FAM217B: variants seen among roughly 807,000 people sequenced by gnomAD.
FAM217B encodes the protein protein FAM217B.
For synonymous variants in FAM217B, 163 were observed against 173.0 expected, an observed-to-expected ratio of 0.94 and a Z score of 0.45; for missense variants, 463 against 456.9, an observed-to-expected ratio of 1.01 and a Z score of -0.12.
In FAM217B at chr20:59,944,028, G is replaced by T. The variant is rs200508394; in HGVS notation, c.85G>T (p.Ala29Ser). The T allele has an allele frequency of 1.2e-6, 2 of 1,614,026 alleles. No homozygotes were observed. The highest frequency in any genetic ancestry group is 8.5e-7 in the Non-Finnish European group (1 of 1,180,006). The change falls in exon 4 of 4, where the codon GCT becomes TCT. Residue 29 changes from alanine to serine, a missense_variant. Coordinates refer to ENST00000360816, the MANE Select transcript of FAM217B (RefSeq NM_022106.3). ...GCAGAGTAAATCCCAAGTACCCCAC[G>T]CTTCTTCCCAGCCGAGAAGCAGCCT... ...KRQSKSQVPH[A>S]SSQPRSSLTA...
At chr20:59,939,810 C>CA, upstream of FAM217B, 1 of 1,234,176 alleles carries the variant, frequency 8.1e-7, no homozygotes, top group Non-Finnish European at 1.0e-6. Context: ...AGGGGGCCTA[C>CA]AGGCCCGCGG....
upstream of FAM217B, among the ~76,000 whole-genome samples, chr20:59,935,879 T>G (rs1174254195): frequency 6.6e-6 from 1 of 152,260 alleles, no homozygotes; most frequent in Non-Finnish European, 1.5e-5. Flanking sequence ...GAGAGAGCAT[T>G]GACTTTGAAA....
rs2060907110 is a variant in FAM217B, at chr20:59,941,811, A to G, written c.-202-387A>G. Among the ~76,000 whole-genome samples, 3 of 152,210 alleles carry G rather than the reference A, an allele frequency of 2.0e-5. No individual in the cohort carries two copies. The South Asian group carries it at 6.2e-4, about 32-fold the overall frequency. On this transcript the variant is annotated intron_variant, in intron 1 of 3. Coordinates refer to ENST00000360816, the MANE Select transcript of FAM217B (RefSeq NM_022106.3). ...TTGTTGCATGAATGAATGATTGGGCAATGCAATGATTGAACGCTGTAATAA... is the reference window on the plus strand; with the variant it reads ...TTGTTGCATGAATGAATGATTGGGCGATGCAATGATTGAACGCTGTAATAA...
At position 59,944,176 on chromosome 20, in the gene FAM217B, A is replaced by G. The variant is rs1244065387; in HGVS notation, c.233A>G (p.Asp78Gly). 6.2e-7 allele frequency: 1 copy of G among 1,614,012 alleles called. No individual in the cohort carries two copies. The highest frequency in any genetic ancestry group is 8.5e-7 in the Non-Finnish European group (1 of 1,180,032). The change falls in exon 4 of 4, where the codon GAT becomes GGT. Residue 78 changes from aspartate to glycine, a missense_variant. Asp to Gly is a moderately conservative substitution (Grantham distance 94). Coordinates refer to ENST00000360816, the MANE Select transcript of FAM217B (RefSeq NM_022106.3). ...QGASGNKLFL[D>G]FQSMKIIKEN... is the part of the protein sequence containing the mutation. ...GCCTCAGGGAATAAACTGTTTCTTG[A>G]TTTTCAGTCAATGAAAATTATTAAA...
upstream of FAM217B, chr20:59,938,285 T>C (rs1426976682): frequency 1.3e-5 from 2 of 152,260 alleles, no homozygotes; most frequent in African/African-American, 4.8e-5. Context: ...GAGAAATAAC[T>C]GTTTTGCTAG....
At chr20:59,935,086 C>T (rs530966039) in intron 1 of FAM217B, among the ~76,000 whole-genome samples, 352 of 152,228 alleles carry the variant, frequency 2.3e-3, no homozygotes, top group Admixed American at 3.7e-3. Context: ...TTGAATTATA[C>T]GTTTAAGTAC....
chr20:59,937,739 C>T (rs1441922323), upstream of FAM217B: 1 of 152,300 alleles, frequency 6.6e-6, no homozygotes, highest in Non-Finnish European at 1.5e-5. Context: ...AAGAACTCCT[C>T]AGCCTGGAGT....
At chr20:59,934,660 G>T (rs548913881) in intron 1 of FAM217B, among the ~76,000 whole-genome samples, 4 of 152,134 alleles carry the variant, frequency 2.6e-5, no homozygotes, top group African/African-American at 9.7e-5. Context: ...TTTAAAAGTT[G>T]AATTGTATGT....
chr20:59,945,159 C>A lies in FAM217B; in HGVS notation c.*64C>A. The A allele has an allele frequency of 1.5e-6, 2 of 1,325,810 alleles. No individual in the cohort carries two copies. Among genetic ancestry groups the A allele is most frequent in the Non-Finnish European group, 2.0e-6 (2 of 987,018 alleles). The allele number at this position is 1,325,810 out of a possible 1,614,324, so 82.1% of individuals were successfully genotyped here. A position where few individuals can be genotyped will look rare whatever the true frequency, so the allele number is the denominator to read the frequency against. On this transcript the variant is annotated 3_prime_UTR_variant, in exon 4 of 4. Coordinates refer to ENST00000360816, the MANE Select transcript of FAM217B (RefSeq NM_022106.3). ...TCAATGTTAGAGCGCTTCCAAAAGT[C>A]AAAATACTGTGAATTTTAAGGAATT...
At chr20:59,937,474 A>G (rs754092425), upstream of FAM217B, 1 of 152,452 alleles carries the variant, frequency 6.6e-6, no homozygotes, top group African/African-American at 2.4e-5. Flanking sequence ...TTATAAAAGC[A>G]CAGAGGTTGC....
chr20:59,939,096 C>T (rs746447259), upstream of FAM217B: 7 of 1,595,462 alleles, frequency 4.4e-6, no homozygotes, highest in Admixed American at 3.4e-5. Flanking sequence ...GTGGTTGCGA[C>T]ATGTGAGGCT....
chr20:59,944,347 A>G lies in FAM217B; in HGVS notation c.404A>G (p.His135Arg), dbSNP rs138325136. Residue 135 changes from histidine (H) to arginine (R), a missense_variant, in exon 4 of 4, where the codon CAT becomes CGT. By Grantham distance (29) the His-to-Arg change is conservative. Transcript: ENST00000360816. ...TTTGATCTTCACCCTGGTCAGGGCC[A>G]TACAAAACCTGAATACTATTATCCT... ...VYFDLHPGQG[H>R]TKPEYYYPNF... The G allele has an allele frequency of 8.7e-6, 14 of 1,614,140 alleles. 1 individual carries two copies. The highest frequency in any genetic ancestry group is 8.0e-5 in the African/African-American group (6 of 75,030).
Position 59,944,355 on chromosome 20 carries a change from C to A in FAM217B, c.412C>A (p.Pro138Thr). ...DLHPGQGHTK[P>T]EYYYPNFLPS... is the part of the protein sequence containing the mutation. Reference sequence around the variant, plus strand: ...TCACCCTGGTCAGGGCCATACAAAACCTGAATACTATTATCCTAATTTCCT... The same window carrying A: ...TCACCCTGGTCAGGGCCATACAAAAACTGAATACTATTATCCTAATTTCCT... Residue 138 changes from proline to threonine, a missense_variant, in exon 4 of 4, where the codon CCT (proline) becomes ACT (threonine). Transcript: ENST00000360816. The A allele has an allele frequency of 6.2e-7, 1 of 1,614,128 alleles. No individual in the cohort carries two copies. The highest frequency in any genetic ancestry group is 8.5e-7 in the Non-Finnish European group (1 of 1,180,020).
chr20:59,943,351 C>A (rs530913752), intron 3 of FAM217B, among the ~76,000 whole-genome samples: 1 of 152,236 alleles, frequency 6.6e-6, no homozygotes, highest in South Asian at 2.1e-4. Context: ...AATGTGTTTT[C>A]TGTTTGAAAA....
chr20:59,942,826 C>T (rs2060912692), intron 3 of FAM217B, among the ~76,000 whole-genome samples: 1 of 152,098 alleles, frequency 6.6e-6, no homozygotes, highest in Admixed American at 6.5e-5. Context: ...TACTGACAGG[C>T]AGGAACAAAA....
chr20:59,944,828 G>A lies in FAM217B; in HGVS notation c.885G>A (p.Lys295=), dbSNP rs141403856. 5.1e-5 allele frequency: 83 copies of A among 1,614,184 alleles called. No individual in the cohort carries two copies. In the East Asian group the frequency reaches 1.8e-3, roughly 34 times the overall value. ...AAATGAGGACAGAAGAAAAGAAAAA[G>A]AAATCAAGTAAGAGTACGAAGCTGC... ...TLEMRTEEKK[K]KSSKSTKLQR... is the part of the protein sequence containing the mutation. Residue 295 remains lysine (K), a synonymous_variant, in exon 4 of 4, where the codon AAG becomes AAA. Transcript: ENST00000360816.
upstream of FAM217B, chr20:59,938,964 C>G: frequency 7.1e-7 from 1 of 1,405,356 alleles, no homozygotes; most frequent in Non-Finnish European, 9.4e-7. Context: ...GATGTGAGAG[C>G]CCAGCAGGGA....
At chr20:59,940,124 T>C (rs1181571878), upstream of FAM217B, 1 of 425,334 alleles carries the variant, frequency 2.4e-6, no homozygotes, top group Admixed American at 4.4e-5. Context: ...CCTCCGCTTC[T>C]TGCGGTTAAA....
upstream of FAM217B, chr20:59,936,727 A>C (rs985226491): frequency 2.6e-5 from 4 of 152,250 alleles, no homozygotes; most frequent in African/African-American, 9.6e-5. Flanking sequence ...TAGAAAGGAT[A>C]AGACTTGCAT....
Sources: gnomAD v4.1 joint callset for allele counts (sites outside exome capture counted in the v4.1 genomes callset) on GRCh38, gnomAD v4.1.1 for gene constraint, MANE v1.5 for transcripts, NCBI Gene and HGNC (gene_info 2026-07-23, HGNC 2026-07-21) for gene names.